ARHGAP32: variants seen among roughly 807,000 people sequenced by gnomAD.
ARHGAP32 encodes Rho GTPase activating protein 32.
Under a neutral mutation model 186.5 loss-of-function variants are expected in ARHGAP32, and 51 were observed. That is an observed-to-expected ratio of 0.27 (90% CI 0.22 to 0.35). The LOEUF (loss-of-function observed/expected upper bound fraction) is 0.35. ARHGAP32 is among the 10% of genes least tolerant of loss of function. The pLI is 1.00. For synonymous variants in ARHGAP32, 950 were observed against 964.3 expected (o/e 0.99, Z 0.27); for missense variants, 2,186 against 2,623.5 (o/e 0.83, Z 3.64).
At chr11:129,090,039 T>A (rs1225226364) in intron 6 of ARHGAP32, among the ~76,000 whole-genome samples, 1 of 152,204 alleles carries the variant, frequency 6.6e-6, no homozygotes, top group African/African-American at 2.4e-5. Context: ...TGCAAGTTAC[T>A]CAACATCAAT....
chr11:129,161,908 A>G (rs1943538061), intron 2 of ARHGAP32, among the ~76,000 whole-genome samples: 1 of 152,222 alleles, frequency 6.6e-6, no homozygotes, highest in African/African-American at 2.4e-5. Flanking sequence ...AATGCCCATC[A>G]ATGATAGACT....
chr11:129,111,905 G>A (rs1268997796), intron 5 of ARHGAP32, among the ~76,000 whole-genome samples: 1 of 152,046 alleles, frequency 6.6e-6, no homozygotes, highest in Non-Finnish European at 1.5e-5. Context: ...AGGGACTATG[G>A]CACATACCGT....
Position 129,245,064 on chromosome 11 carries a change from G to A in ARHGAP32, c.-5+34082C>T, listed in dbSNP as rs1342003757. On this transcript the variant is annotated intron_variant, in intron 1 of 6. Transcript: ENST00000525234. ...GGCGATTCCTCAGGGATCTAGAACT[G>A]GAAATACCATTTGACCCAGCCATCC... is the stretch of plus-strand genomic sequence containing the variant. 2.8e-4 allele frequency among the ~76,000 whole-genome samples: 43 copies of A among 150,890 alleles called. 1 individual carries two copies. Among genetic ancestry groups the A allele is most frequent in the East Asian group, 2.5e-3 (13 of 5,128 alleles).
intron 11 of ARHGAP32, among the ~76,000 whole-genome samples, chr11:129,025,268 G>A (rs1434730063): frequency 6.6e-6 from 1 of 152,096 alleles, no homozygotes; most frequent in African/African-American, 2.4e-5. Context: ...TATCCAGGGA[G>A]GATTCATCAT....
chr11:129,042,928 T>A (rs548330678), intron 10 of ARHGAP32, among the ~76,000 whole-genome samples: 2 of 152,124 alleles, frequency 1.3e-5, no homozygotes, highest in African/African-American at 4.8e-5. Flanking sequence ...GCCCTGGAAA[T>A]AGCTGCTTCA....
intron 1 of ARHGAP32, among the ~76,000 whole-genome samples, chr11:129,202,166 TAAC>T (rs1231969931): frequency 3.9e-5 from 6 of 152,070 alleles, no homozygotes; most frequent in Non-Finnish European, 8.8e-5. Context: ...GAAAACTAAA[TAAC>T]AAAGATAATG....
At chr11:129,184,203 G>C (rs1186030552) in intron 1 of ARHGAP32, among the ~76,000 whole-genome samples, 1 of 152,056 alleles carries the variant, frequency 6.6e-6, no homozygotes, top group Non-Finnish European at 1.5e-5. Flanking sequence ...AAGGACTAGG[G>C]CTCCTAATGT....
intron 11 of ARHGAP32, among the ~76,000 whole-genome samples, chr11:129,033,229 T>C (rs148682386): frequency 2.3e-3 from 345 of 152,324 alleles, no homozygotes; most frequent in Non-Finnish European, 4.3e-3. Context: ...ATAAAGCTGT[T>C]ATCAACATTT....
intron 2 of ARHGAP32, among the ~76,000 whole-genome samples, chr11:129,152,758 T>C (rs1282291550): frequency 1.3e-5 from 2 of 152,196 alleles, no homozygotes; most frequent in African/African-American, 2.4e-5. Context: ...AAGCCAACTA[T>C]GATAAATCCA....
chr11:129,214,530 C>G (rs1944620979), intron 1 of ARHGAP32, among the ~76,000 whole-genome samples: 1 of 152,148 alleles, frequency 6.6e-6, no homozygotes. Flanking sequence ...GTCTCACTTT[C>G]AGCACAGAGA....
chr11:129,265,084 C>T (rs1251810526), intron 1 of ARHGAP32, among the ~76,000 whole-genome samples: 1 of 152,192 alleles, frequency 6.6e-6, no homozygotes, highest in African/African-American at 2.4e-5. Flanking sequence ...TCTCTAGAAA[C>T]AACACAGAAT....
At chr11:129,051,904 G>A (rs1456217774) in intron 10 of ARHGAP32, among the ~76,000 whole-genome samples, 2 of 135,472 alleles carry the variant, frequency 1.5e-5, no homozygotes, top group East Asian at 2.4e-4. Context: ...GCAGTGAGCC[G>A]AGATTGGGCC....
intron 1 of ARHGAP32, among the ~76,000 whole-genome samples, chr11:129,173,410 T>C (rs1943817569): frequency 6.6e-6 from 1 of 151,554 alleles, no homozygotes; most frequent in Admixed American, 6.6e-5. Flanking sequence ...GCTGGTACCA[T>C]TCCTTCTGAA....
At chr11:129,274,894 C>A in intron 1 of ARHGAP32, among the ~76,000 whole-genome samples, 1 of 149,908 alleles carries the variant, frequency 6.7e-6, no homozygotes. Context: ...CGACTTTTCT[C>A]ATTCATCTTT....
At chr11:129,167,239 G>A (rs1038430102) in intron 1 of ARHGAP32, among the ~76,000 whole-genome samples, 5 of 152,052 alleles carry the variant, frequency 3.3e-5, no homozygotes, top group Non-Finnish European at 4.4e-5. Flanking sequence ...GGAAAGATAC[G>A]GAGAAATCAC....
At chr11:129,148,931 G>A (rs910523626) in intron 2 of ARHGAP32, among the ~76,000 whole-genome samples, 2 of 152,062 alleles carry the variant, frequency 1.3e-5, no homozygotes, top group African/African-American at 4.8e-5. Flanking sequence ...CCCCTACAGT[G>A]GCCACAGCAA....
chr11:128,970,389 A>C lies in ARHGAP32; in HGVS notation c.4824T>G (p.Ile1608Met). The stretch of plus-strand genomic sequence containing the variant: ...CTGTCCGTGAAATGGGAACAGAGCG[A>C]ATCATGGAAGACGGCGGAGCATGGA... ...QSLHAPPSSM[I>M]RSVPISRTEV... Residue 1608 changes from isoleucine (I) to methionine (M), a missense_variant, in exon 23 of 23, where the codon ATT becomes ATG. Ile to Met is a conservative substitution (Grantham distance 10). Transcript: ENST00000682385. This position sits in a 1 kb window ranked among gnomAD's most constrained non-coding sequence, Gnocchi z 5.8. 1 of 1,614,120 alleles carries C rather than the reference A, an allele frequency of 6.2e-7. No homozygotes were observed. The highest frequency in any genetic ancestry group is 8.5e-7 in the Non-Finnish European group (1 of 1,180,020).
chr11:129,118,607 T>G (rs1032382197), intron 5 of ARHGAP32, among the ~76,000 whole-genome samples: 1 of 152,024 alleles, frequency 6.6e-6, no homozygotes, highest in African/African-American at 2.4e-5. Context: ...AATCAAATCA[T>G]AAGTTGAAAT....
At chr11:129,062,702 T>C (rs1348814674) in intron 9 of ARHGAP32, among the ~76,000 whole-genome samples, 2 of 152,170 alleles carry the variant, frequency 1.3e-5, no homozygotes, top group African/African-American at 2.4e-5. Context: ...CTGAGAGTGA[T>C]CAGATTCACT....
Sources: allele counts gnomAD v4.1 joint callset (sites outside exome capture counted in the v4.1 genomes callset), GRCh38; gene constraint gnomAD v4.1.1; non-coding constraint Gnocchi (gnomAD v3.1); transcripts MANE v1.5; gene names NCBI Gene and HGNC (gene_info 2026-07-23, HGNC 2026-07-21).